Variants in DCDC2C observed in about 807,000 individuals in gnomAD.
DCDC2C encodes doublecortin domain containing 2C.
Under a neutral mutation model 45.0 loss-of-function variants are expected in DCDC2C, and 44 were observed. That is an observed-to-expected ratio of 0.98 (90% CI 0.77 to 1.26). The LOEUF (loss-of-function observed/expected upper bound fraction) is 1.26, where lower values mean the gene tolerates loss of function less well. Ranked by LOEUF, DCDC2C falls within the 50% of genes most tolerant of loss-of-function variation. The pLI, the probability that DCDC2C is intolerant of heterozygous loss-of-function variation, is 0.00. For synonymous variants in DCDC2C, 187 were observed against 178.8 expected (o/e 1.05, Z -0.37); for missense variants, 447 against 468.9 (o/e 0.95, Z 0.43).
rs774990496 is a variant in DCDC2C at position 3,761,372 on chromosome 2, G to GGTGCGTGTGTGT, written c.727-6362_727-6351dup. On this transcript the variant is annotated intron_variant, in intron 6 of 10. Coordinates refer to ENST00000399143, the MANE Select transcript of DCDC2C (RefSeq NM_001287444.2). This position sits in a 1 kb window ranked among gnomAD's most constrained non-coding sequence, Gnocchi z 4.3. Reference sequence around the variant, plus strand: ...GGAGATAAAGCATATAAATTAAGGAGGTGCGTGTGTGTGTGCGTGTGTGTG... The same window carrying GGTGCGTGTGTGT: ...GGAGATAAAGCATATAAATTAAGGAGGTGCGTGTGTGTGTGCGTGTGTGTGTGCGTGTGTGTG... 3.9e-5 allele frequency among the ~76,000 whole-genome samples: 6 copies of GGTGCGTGTGTGT among 152,048 alleles called. No individual in the cohort carries two copies. The highest frequency in any genetic ancestry group is 2.1e-4 in the South Asian group (1 of 4,812).
chr2:3,836,965 G>T (rs1672095607), intron 10 of DCDC2C, among the ~76,000 whole-genome samples: 1 of 151,918 alleles, frequency 6.6e-6, no homozygotes, highest in Non-Finnish European at 1.5e-5. Flanking sequence ...AAAGTAAAAC[G>T]TTAAAAGGAG....
chr2:3,798,930 TG>T (rs1213862191), intron 10 of DCDC2C, among the ~76,000 whole-genome samples: 2 of 152,214 alleles, frequency 1.3e-5, no homozygotes, highest in East Asian at 3.8e-4. Flanking sequence ...CTTGCTAGAT[TG>T]GGGAAGTTCT....
At chr2:3,759,190 C>A (rs1038640192) in intron 6 of DCDC2C, among the ~76,000 whole-genome samples, 5 of 152,204 alleles carry the variant, frequency 3.3e-5, no homozygotes, top group African/African-American at 1.2e-4. Flanking sequence ...GCCTTTGACT[C>A]GGAGTCAAAA....
At chr2:3,755,118 A>G (rs1669651916) in intron 6 of DCDC2C, among the ~76,000 whole-genome samples, 2 of 151,936 alleles carry the variant, frequency 1.3e-5, no homozygotes, top group Non-Finnish European at 2.9e-5. Context: ...TGTGTGTATA[A>G]ATACATGTGT....
chr2:3,723,682 C>T (rs373339555), intron 2 of DCDC2C, among the ~76,000 whole-genome samples: 173 of 152,238 alleles, frequency 1.1e-3, no homozygotes, highest in African/African-American at 4.1e-3. Context: ...GAAGGATTGT[C>T]TCGGGGCAGG....
chr2:3,837,619 AGGAAGAAATCAGCCTT>A (rs1672113204), intron 10 of DCDC2C, among the ~76,000 whole-genome samples: 1 of 102,304 alleles, frequency 9.8e-6, no homozygotes, highest in Non-Finnish European at 2.3e-5. Flanking sequence ...GAAGAAACTG[AGGAAGAAATCAGCCTT>A]TGGCTCCCCC....
intron 10 of DCDC2C, among the ~76,000 whole-genome samples, chr2:3,830,425 C>A (rs1671922083): frequency 6.6e-6 from 1 of 152,136 alleles, no homozygotes; most frequent in South Asian, 2.1e-4. Flanking sequence ...ACAAGACCTG[C>A]CAGTAGCCCT....
chr2:3,782,056 G>T (rs573847412), intron 9 of DCDC2C, among the ~76,000 whole-genome samples: 1 of 152,260 alleles, frequency 6.6e-6, no homozygotes, highest in East Asian at 1.9e-4. Context: ...CACGGCTATG[G>T]TCTGGTTCCA....
intron 10 of DCDC2C, among the ~76,000 whole-genome samples, chr2:3,843,621 C>G (rs1433350031): frequency 6.6e-6 from 1 of 152,198 alleles, no homozygotes. Flanking sequence ...TCTTCCTGAG[C>G]TCCGAAAGTT....
In DCDC2C at chr2:3,712,449, T is replaced by G. The variant is rs116052955; in HGVS notation, c.339+3849T>G. 6.9e-3 allele frequency among the ~76,000 whole-genome samples: 1,030 copies of G among 148,516 alleles called. 15 individuals carry two copies. The highest frequency in any genetic ancestry group is 0.024 in the African/African-American group (969 of 39,982). Reference sequence around the variant, plus strand: ...GGGAGGCCAAGGTGGGAGAATTACTTGAGCCCAGGAATTCTAGACCAGCAA... The same window carrying G: ...GGGAGGCCAAGGTGGGAGAATTACTGGAGCCCAGGAATTCTAGACCAGCAA... On this transcript the variant is annotated intron_variant, in intron 2 of 10. Transcript: ENST00000399143.
intron 10 of DCDC2C, among the ~76,000 whole-genome samples, chr2:3,806,870 CG>C (rs1458362081): frequency 6.6e-6 from 1 of 152,062 alleles, no homozygotes; most frequent in Non-Finnish European, 1.5e-5. Context: ...CTTTGTTGCT[CG>C]TGACTGCTTT....
At chr2:3,726,475 C>G (rs957358995) in intron 2 of DCDC2C, among the ~76,000 whole-genome samples, 13 of 152,150 alleles carry the variant, frequency 8.5e-5, no homozygotes, top group African/African-American at 3.1e-4. Context: ...TGTCACCAGG[C>G]CATAGTGGTT....
chr2:3,829,431 G>C (rs1006854927), intron 10 of DCDC2C, among the ~76,000 whole-genome samples: 2 of 152,082 alleles, frequency 1.3e-5, no homozygotes, highest in African/African-American at 4.8e-5. Flanking sequence ...CTGGCACTTG[G>C]TGACAGAGTT....
chr2:3,763,968 A>G (rs970520709), intron 6 of DCDC2C, among the ~76,000 whole-genome samples: 1 of 152,210 alleles, frequency 6.6e-6, no homozygotes, highest in African/African-American at 2.4e-5. Flanking sequence ...TCAGATATAG[A>G]AAACTGGAAT....
chr2:3,747,398 A>G (rs1669404208), intron 4 of DCDC2C, among the ~76,000 whole-genome samples: 1 of 152,212 alleles, frequency 6.6e-6, no homozygotes, highest in Admixed American at 6.5e-5. Context: ...CATCTTGACT[A>G]TCCTGATTAG....
rs118110142 is a variant in DCDC2C, at chr2:3,777,378, C to T, written c.955-1438C>T. On this transcript the variant is annotated intron_variant, in intron 8 of 10. Coordinates refer to ENST00000399143, the MANE Select transcript of DCDC2C (RefSeq NM_001287444.2). Reference sequence around the variant, plus strand: ...ATATCTGTCTTCCCTATAAGACTCTCGACTTCTTGAGGGCCTTGTTTGTTT... The same window carrying T: ...ATATCTGTCTTCCCTATAAGACTCTTGACTTCTTGAGGGCCTTGTTTGTTT... Among the ~76,000 whole-genome samples the T allele has an allele frequency of 5.1e-4, 78 of 152,260 alleles. 1 individual carries two copies. The East Asian group carries it at 8.7e-3, about 17-fold the overall frequency.
intron 6 of DCDC2C, among the ~76,000 whole-genome samples, chr2:3,758,676 G>A (rs1418580290): frequency 6.6e-6 from 1 of 152,262 alleles, no homozygotes; most frequent in East Asian, 1.9e-4. Flanking sequence ...GGCAACAAGG[G>A]TTTATGATTT....
At chr2:3,763,217 G>A (rs1315887792) in intron 6 of DCDC2C, among the ~76,000 whole-genome samples, 3 of 152,176 alleles carry the variant, frequency 2.0e-5, no homozygotes, top group African/African-American at 7.2e-5. Flanking sequence ...TGCCAGCCTG[G>A]CTCTGAGATC....
chr2:3,799,685 T>C (rs575394134), intron 10 of DCDC2C, among the ~76,000 whole-genome samples: 1 of 152,294 alleles, frequency 6.6e-6, no homozygotes, highest in African/African-American at 2.4e-5. Context: ...TGCTCGGGGG[T>C]CAGGGGTCAG....
Sources: gnomAD v4.1 joint callset for allele counts (sites outside exome capture counted in the v4.1 genomes callset) on GRCh38, gnomAD v4.1.1 for gene constraint, Gnocchi (gnomAD v3.1) non-coding constraint, MANE v1.5 for transcripts, NCBI Gene and HGNC (gene_info 2026-07-23, HGNC 2026-07-21) for gene names.